Variants in MTREX observed in about 807,000 individuals in gnomAD.
MTREX encodes Mtr4 exosome RNA helicase, also known as exosome RNA helicase MTR4.
Under a neutral mutation model 135.4 loss-of-function variants are expected in MTREX, and 76 were observed. The ratio of observed to expected loss-of-function variants is 0.56; its 90% confidence interval spans 0.47 to 0.68. The LOEUF (loss-of-function observed/expected upper bound fraction) is 0.68, where lower values mean the gene tolerates loss of function less well. MTREX is among the 30% of genes least tolerant of loss of function. MTREX has a pLI of 0.00. For synonymous variants in MTREX, 404 were observed against 401.6 expected (o/e 1.01, Z -0.07); for missense variants, 920 against 1,262.1 (o/e 0.73, Z 4.11).
intron 11 of MTREX, among the ~76,000 whole-genome samples, chr5:55,348,719 A>G (rs377379078): frequency 6.6e-6 from 1 of 152,220 alleles, no homozygotes; most frequent in Non-Finnish European, 1.5e-5. Context: ...TGTTCTGCCC[A>G]TAAATGTTTT....
chr5:55,357,770 C>G (rs112661239), intron 14 of MTREX, among the ~76,000 whole-genome samples: 1 of 152,244 alleles, frequency 6.6e-6, no homozygotes, highest in Admixed American at 6.5e-5. Flanking sequence ...AGTACACATG[C>G]ACTTACAGAA....
chr5:55,326,961 G>A (rs909223753), intron 3 of MTREX, among the ~76,000 whole-genome samples: 2 of 152,114 alleles, frequency 1.3e-5, no homozygotes, highest in Admixed American at 1.3e-4. Context: ...TTGGTTTTGT[G>A]TTGTTGTGAT....
chr5:55,404,835 C>T (rs1173343742), intron 21 of MTREX, among the ~76,000 whole-genome samples: 3 of 147,442 alleles, frequency 2.0e-5, no homozygotes, highest in African/African-American at 2.5e-5. Flanking sequence ...GACGGAATCT[C>T]GCTTTCTTGC....
chr5:55,312,488 C>A (rs1444931818), intron 1 of MTREX, among the ~76,000 whole-genome samples: 1 of 151,962 alleles, frequency 6.6e-6, no homozygotes, highest in Non-Finnish European at 1.5e-5. Context: ...ATTTCCATCA[C>A]CCTCAGGAGT....
chr5:55,358,549 T>G (rs1749958951), intron 14 of MTREX, 24 bp from the exon 15 acceptor site: 1 of 1,566,462 alleles, frequency 6.4e-7, no homozygotes, highest in African/African-American at 1.4e-5. Flanking sequence ...TCCTAAACTC[T>G]GAATTTTAAC....
intron 26 of MTREX, 130 bp from the exon 27 acceptor site, chr5:55,424,590 G>GTGTT (rs978984897): frequency 1.6e-6 from 1 of 632,484 alleles, no homozygotes; most frequent in Non-Finnish European, 2.9e-6. Flanking sequence ...GTTCAGCAAG[G>GTGTT]TGTTTGACTT....
intron 23 of MTREX, 148 bp from the exon 24 acceptor site, chr5:55,414,034 T>C (rs1750927416): frequency 3.9e-6 from 2 of 513,032 alleles, no homozygotes; most frequent in Admixed American, 3.8e-5. Flanking sequence ...TAAACTGAAT[T>C]GATTAGAAAC....
rs568174129 is a variant in MTREX at position 55,339,023 on chromosome 5, G to GTCA, written c.516-985_516-983dup. On this transcript the variant is annotated intron_variant, in intron 5 of 26. Transcript: ENST00000230640. ...CCAAGGCTGGTCTCGAACTCTTGGC[G>GTCA]TCATGTGATCCACCCACCTCAGCCT... is the stretch of plus-strand genomic sequence containing the variant. Among the ~76,000 whole-genome samples, 341 of 151,796 alleles carry GTCA rather than the reference G, an allele frequency of 2.2e-3. 1 individual carries two copies. The highest frequency in any genetic ancestry group is 0.014 in the Middle Eastern group (4 of 294).
In MTREX at chr5:55,378,469, C is replaced by G. The variant is rs750952588; in HGVS notation, c.1966C>G (p.Pro656Ala). ...KPKYCLPFLQ[P>A]GRLVKVKNEG... ...AAAATACTGCTTACCTTTTCTACAA[C>G]CAGGTCGTTTGGTAAAGGTATGTCA... The change falls in exon 17 of 27, where the codon CCA becomes GCA. Residue 656 changes from proline to alanine, a missense_variant. Physicochemically the swap from Pro to Ala is conservative, Grantham distance 27. This residue lies in a region of MTREX where 467 missense variants were observed against 589.7 expected (regional missense o/e 0.79). Transcript: ENST00000230640. 3 of 1,608,146 alleles carry G rather than the reference C, an allele frequency of 1.9e-6. No homozygotes were observed. Among genetic ancestry groups the G allele is most frequent in the Middle Eastern group, 1.7e-4 (1 of 6,020 alleles).
intron 3 of MTREX, 191 bp downstream of exon 3, chr5:55,324,389 C>A: frequency 8.1e-6 from 1 of 123,078 alleles, no homozygotes; most frequent in Non-Finnish European, 1.6e-5. Flanking sequence ...CAGCATTTTT[C>A]TTAACTATAA....
At chr5:55,395,819 A>G (rs1750637306) in intron 19 of MTREX, among the ~76,000 whole-genome samples, 1 of 152,230 alleles carries the variant, frequency 6.6e-6, no homozygotes, top group African/African-American at 2.4e-5. Context: ...TAAAAAATCA[A>G]GGTCTTGAGA....
chr5:55,423,595 C>A (rs1751090264), intron 26 of MTREX: 1 of 152,434 alleles, frequency 6.6e-6, no homozygotes, highest in Non-Finnish European at 1.5e-5. Flanking sequence ...TTGGGAGTGA[C>A]CTGCCCCAAC....
At chr5:55,313,742 CAAAATCAAA>C (rs1489058907) in intron 1 of MTREX, among the ~76,000 whole-genome samples, 1 of 152,022 alleles carries the variant, frequency 6.6e-6, no homozygotes, top group East Asian at 1.9e-4. Flanking sequence ...TTTGTAGTTC[CAAAATCAAA>C]AGTTTAAAAC....
At chr5:55,331,670 C>G (rs1749477332) in intron 5 of MTREX, among the ~76,000 whole-genome samples, 1 of 152,316 alleles carries the variant, frequency 6.6e-6, no homozygotes, top group African/African-American at 2.4e-5. Context: ...GCAGTTGTCT[C>G]CTCTGGTATT....
At chr5:55,325,994 CTT>C (rs1749371556) in intron 3 of MTREX, among the ~76,000 whole-genome samples, 4 of 152,160 alleles carry the variant, frequency 2.6e-5, no homozygotes, top group East Asian at 1.9e-4. Flanking sequence ...CTGAAAGTCT[CTT>C]ATGTTTCTTT....
chr5:55,368,209 C>T (rs758044984), intron 16 of MTREX, among the ~76,000 whole-genome samples: 9 of 152,000 alleles, frequency 5.9e-5, no homozygotes, highest in Admixed American at 3.3e-4. Context: ...TAGCACTTTG[C>T]GAGGCCCAGG....
At chr5:55,405,389 A>C (rs759032519) in intron 21 of MTREX, 36 bp from the exon 22 acceptor site, 7 of 1,532,368 alleles carry the variant, frequency 4.6e-6, no homozygotes, top group Middle Eastern at 3.4e-4. Flanking sequence ...TGTTCACTTT[A>C]TTATTGAACT....
At chr5:55,405,958 G>T (rs1030477559) in intron 22 of MTREX, among the ~76,000 whole-genome samples, 5 of 151,780 alleles carry the variant, frequency 3.3e-5, no homozygotes, top group Admixed American at 2.0e-4. Context: ...CATAATCTTA[G>T]CTTATATATA....
At chr5:55,330,973 T>C (rs537324370) in intron 5 of MTREX, among the ~76,000 whole-genome samples, 1 of 152,298 alleles carries the variant, frequency 6.6e-6, no homozygotes, top group South Asian at 2.1e-4. Flanking sequence ...TTAATCTGCT[T>C]TTAATACTAG....
Sources: allele counts gnomAD v4.1 joint callset (sites outside exome capture counted in the v4.1 genomes callset), GRCh38; gene constraint gnomAD v4.1.1; regional missense constraint gnomAD v4.1.1; transcripts MANE v1.5; gene names NCBI Gene and HGNC (gene_info 2026-07-23, HGNC 2026-07-21).